Variants in ZNF208 observed in about 807,000 individuals in gnomAD.
ZNF208 encodes zinc finger protein 95.
A neutral mutation model predicts 12.1 loss-of-function variants in ZNF208; 10 were observed. The ratio of observed to expected loss-of-function variants is 0.83; its 90% CI spans 0.51 to 1.40. The LOEUF is 1.40. Ranked by LOEUF, ZNF208 falls within the 40% of genes most tolerant of loss-of-function variation. The probability of loss-of-function intolerance (pLI) is 0.00; values close to 1 mark genes in which losing one functional copy is unlikely to be tolerated. For missense variants in ZNF208, 1,652 were observed against 1,485.0 expected (o/e 1.11, Z -1.85); for synonymous variants, 497 against 488.4 (o/e 1.02, Z -0.23).
intron 1 of ZNF208, among the ~76,000 whole-genome samples, chr19:22,005,624 C>A (rs1220442424): frequency 6.6e-6 from 1 of 152,126 alleles, no homozygotes; most frequent in Non-Finnish European, 1.5e-5. Context: ...AGTCACAAAC[C>A]CCATGGGCTC....
chr19:22,000,729 T>C (rs1038666986), intron 1 of ZNF208, among the ~76,000 whole-genome samples: 3 of 150,018 alleles, frequency 2.0e-5, no homozygotes, highest in African/African-American at 7.4e-5. Flanking sequence ...CTGAAGGAGA[T>C]TTAGACATGA....
In ZNF208 at chr19:21,974,096, T is replaced by C. The variant is rs1215368626; in HGVS notation, c.938A>G (p.Tyr313Cys). ...HKAIHAGEKPYKCKECGKAFS... is the reference protein window; with the variant it reads ...HKAIHAGEKPCKCKECGKAFS... ...GGCTTTGCCACATTCTTTACATTTGTAGGGCTTCTCTCCAGCATGAATTGC... is the reference window on the plus strand; with the variant it reads ...GGCTTTGCCACATTCTTTACATTTGCAGGGCTTCTCTCCAGCATGAATTGC... The change falls in exon 4 of 4, where the codon TAC becomes TGC. Residue 313 changes from tyrosine to cysteine, a missense_variant. Coordinates refer to ENST00000397126, the MANE Select transcript of ZNF208 (RefSeq NM_007153.3). The C allele has an allele frequency of 9.0e-6, 14 of 1,548,634 alleles. 1 individual carries two copies. Among genetic ancestry groups the C allele is most frequent in the Non-Finnish European group, 1.2e-5 (14 of 1,145,994 alleles).
At chr19:21,959,584 G>T (rs1263346564) in intron 4 of ZNF208, among the ~76,000 whole-genome samples, 1 of 152,138 alleles carries the variant, frequency 6.6e-6, no homozygotes, top group African/African-American at 2.4e-5. Flanking sequence ...TGTTTTTCAG[G>T]CAGTAAAAAT....
intron 2 of ZNF208, 126 bp from the exon 3 acceptor site, chr19:21,987,437 A>G: frequency 9.4e-7 from 1 of 1,065,138 alleles, no homozygotes; most frequent in Non-Finnish European, 1.3e-6. Context: ...ACTAAATTAT[A>G]ATAAGTTGGG....
At chr19:21,957,908 A>C (rs1489571959) in intron 4 of ZNF208, among the ~76,000 whole-genome samples, 2 of 151,996 alleles carry the variant, frequency 1.3e-5, no homozygotes, top group African/African-American at 2.4e-5. Flanking sequence ...ATATGTATAC[A>C]TGTGCCATGC....
At chr19:21,954,628 T>C (rs1969943220) in intron 4 of ZNF208, among the ~76,000 whole-genome samples, 1 of 152,208 alleles carries the variant, frequency 6.6e-6, no homozygotes, top group African/African-American at 2.4e-5. Context: ...TGGTTTAAAG[T>C]CTGTTTTATC....
intron 1 of ZNF208, among the ~76,000 whole-genome samples, chr19:21,996,838 A>C (rs144984144): frequency 9.5e-4 from 145 of 152,302 alleles, no homozygotes; most frequent in Non-Finnish European, 1.7e-3. Context: ...TGACCTATGA[A>C]GTTTGTAGAA....
intron 3 of ZNF208, among the ~76,000 whole-genome samples, chr19:21,979,170 G>T (rs998485891): frequency 6.6e-6 from 1 of 152,180 alleles, no homozygotes; most frequent in African/African-American, 2.4e-5. Flanking sequence ...TATCATCCAG[G>T]AGAATGTCCC....
At chr19:22,001,980 T>C (rs1038077981) in intron 1 of ZNF208, among the ~76,000 whole-genome samples, 3 of 144,252 alleles carry the variant, frequency 2.1e-5, no homozygotes, top group Non-Finnish European at 4.6e-5. Context: ...TCCAGCAGCA[T>C]ATCAAAAAGC....
At chr19:21,960,758 A>G (rs1170745452) in intron 4 of ZNF208, among the ~76,000 whole-genome samples, 1 of 152,156 alleles carries the variant, frequency 6.6e-6, no homozygotes, top group Non-Finnish European at 1.5e-5. Flanking sequence ...TTCCACCATG[A>G]TTGTAAGTTT....
intron 4 of ZNF208, among the ~76,000 whole-genome samples, chr19:21,955,812 C>A (rs150243513): frequency 5.9e-5 from 9 of 152,306 alleles, no homozygotes; most frequent in African/African-American, 2.2e-4. Flanking sequence ...TATTACCAAT[C>A]GTCTGAAGCC....
chr19:21,977,358 C>T lies in ZNF208; in HGVS notation c.227-2551G>A, dbSNP rs8107567. 6.1e-3 allele frequency among the ~76,000 whole-genome samples: 931 copies of T among 152,304 alleles called. 4 individuals carry two copies. Among genetic ancestry groups the T allele is most frequent in the Middle Eastern group, 0.027 (8 of 294 alleles). ...CGACACAGAAGGTGGGTGATTTCTG[C>T]GTTTCCAACTGAGGTACTGGTTTCA... On this transcript the variant is annotated intron_variant, in intron 3 of 3. Transcript: ENST00000397126.
rs370445837 is a variant in ZNF208 at position 22,004,526 on chromosome 19, A to C, written c.3+6266T>G. Among the ~76,000 whole-genome samples, 45 of 152,286 alleles carry C rather than the reference A, an allele frequency of 3.0e-4. 1 individual carries two copies. The South Asian group carries it at 3.9e-3, about 13-fold the overall frequency. On this transcript the variant is annotated intron_variant, in intron 1 of 3. Transcript: ENST00000397126. ...AGATTCCATCTCAAACCAAACAAAC[A>C]AACAAATATGGTACATAAACACCAT...
chr19:21,948,087 A>G (rs561825534), intron 4 of ZNF208, among the ~76,000 whole-genome samples: 1 of 152,266 alleles, frequency 6.6e-6, no homozygotes, highest in South Asian at 2.1e-4. Flanking sequence ...TCTTTCCGCC[A>G]CACCAAAAAG....
chr19:21,953,855 G>C (rs1568435013), intron 4 of ZNF208, among the ~76,000 whole-genome samples: 1 of 152,076 alleles, frequency 6.6e-6, no homozygotes, highest in Non-Finnish European at 1.5e-5. Context: ...TCTGATCTTA[G>C]TTATTTCTTG....
Position 21,973,600 on chromosome 19 carries a change from C to T in ZNF208, c.1434G>A (p.Glu478=), listed in dbSNP as rs1970356054. ...CACATTCTTCACATTTGTAGGGTTTCTCTCCATTATGAATTACCTTATGTT... is the reference window on the plus strand; with the variant it reads ...CACATTCTTCACATTTGTAGGGTTTTTCTCCATTATGAATTACCTTATGTT... ...LTKHKVIHNG[E]KPYKCEECDK... The change falls in exon 4 of 4, where the codon GAG becomes GAA. Residue 478 remains glutamate (E), a synonymous_variant. Transcript: ENST00000397126. The T allele has an allele frequency of 6.2e-7, 1 of 1,612,496 alleles. No homozygotes were observed. The highest frequency in any genetic ancestry group is 1.3e-5 in the African/African-American group (1 of 74,496).
At chr19:21,964,570 C>T (rs1970132082), downstream of ZNF208, among the ~76,000 whole-genome samples, 1 of 151,754 alleles carries the variant, frequency 6.6e-6, no homozygotes, top group Non-Finnish European at 1.5e-5. Flanking sequence ...GACAGACACT[C>T]CGCATTTAAC....
downstream of ZNF208, among the ~76,000 whole-genome samples, chr19:21,961,774 TCTC>T (rs1970074952): frequency 2.0e-5 from 3 of 148,204 alleles, no homozygotes; most frequent in Admixed American, 7.0e-5. Flanking sequence ...ATTTGTAGGC[TCTC>T]CTCAAGAAGA....
At chr19:21,997,268 C>T (rs1970854291) in intron 1 of ZNF208, among the ~76,000 whole-genome samples, 2 of 152,158 alleles carry the variant, frequency 1.3e-5, no homozygotes, top group South Asian at 4.1e-4. Flanking sequence ...ATAGTTCATC[C>T]TAAATTCACA....
Sources: gnomAD v4.1 joint callset for allele counts (sites outside exome capture counted in the v4.1 genomes callset) on GRCh38, gnomAD v4.1.1 for gene constraint, MANE v1.5 for transcripts, NCBI Gene and HGNC (gene_info 2026-07-23, HGNC 2026-07-21) for gene names.